PPP1R16B: variants seen among roughly 807,000 people sequenced by gnomAD.
PPP1R16B encodes the protein protein phosphatase 1 regulatory inhibitor subunit 16B.
PPP1R16B carries 14 observed loss-of-function variants against 61.7 expected under a neutral mutation model. The ratio of observed to expected loss-of-function variants is 0.23; its 90% CI spans 0.15 to 0.35. The LOEUF (loss-of-function observed/expected upper bound fraction) is 0.35, where lower values mean the gene tolerates loss of function less well. Ranked by LOEUF, PPP1R16B falls within the 10% of genes least tolerant of loss-of-function variation. PPP1R16B has a pLI of 1.00. For missense variants in PPP1R16B, 547 were observed against 752.5 expected, an observed-to-expected ratio of 0.73 and a Z score of 3.19; for synonymous variants, 266 against 305.3, an observed-to-expected ratio of 0.87 and a Z score of 1.34.
In PPP1R16B at chr20:38,895,892, TCCCTCCCTCCTTCCTTCTTTCTTC is replaced by T. The variant is rs1568678953; in HGVS notation, c.467+185_467+208del. Among the ~76,000 whole-genome samples, 945 of 95,910 alleles carry T rather than the reference TCCCTCCCTCCTTCCTTCTTTCTTC, an allele frequency of 9.9e-3. 94 individuals carry two copies. The highest frequency in any genetic ancestry group is 0.027 in the East Asian group (76 of 2,862). The allele number at this position is 95,910 out of a possible 152,430, so 62.9% of individuals were successfully genotyped here. A position where few individuals can be genotyped will look rare whatever the true frequency, so the allele number is the denominator to read the frequency against. On this transcript the variant is annotated intron_variant, in intron 4 of 10. Transcript: ENST00000299824. ...CCTCCCTCCTTCCTTCTTTCTTCCC[TCCCTCCCTCCTTCCTTCTTTCTTC>T]CCTCCCTCCCTCCTTCCTTCTTTCT...
At chr20:38,866,102 C>T (rs1267328252) in intron 2 of PPP1R16B, among the ~76,000 whole-genome samples, 3 of 150,798 alleles carry the variant, frequency 2.0e-5, no homozygotes, top group Non-Finnish European at 4.4e-5. Flanking sequence ...CCAGCCTGGG[C>T]GACAGAGTGA....
Position 38,906,060 on chromosome 20 carries a change from G to T in PPP1R16B, c.788G>T (p.Trp263Leu). 1 of 1,613,498 alleles carries T rather than the reference G, an allele frequency of 6.2e-7. No individual in the cohort carries two copies. The highest frequency in any genetic ancestry group is 8.5e-7 in the Non-Finnish European group (1 of 1,179,912). ...GTGGATGTGAAGGACTGGGATGGCT[G>T]GGAGCCCCTGCATGCAGCTGCCTTC... ...VRVDVKDWDG[W>L]EPLHAAAFWG... Residue 263 changes from tryptophan (W) to leucine (L), a missense_variant, in exon 7 of 11, where the codon TGG becomes TTG. Trp to Leu is a moderately conservative substitution (Grantham distance 61). Coordinates refer to ENST00000299824, the MANE Select transcript of PPP1R16B (RefSeq NM_015568.4).
Position 38,921,189 on chromosome 20 carries a change from C to T in PPP1R16B, c.*2523C>T, listed in dbSNP as rs531375015. On this transcript the variant is annotated 3_prime_UTR_variant, in exon 11 of 11. Transcript: ENST00000299824. ...TCAGGCATTGGCTCATGTTTTCAGC[C>T]AGGGATAAACCATCCCTTCTTGGGG... is the stretch of plus-strand genomic sequence containing the variant. The T allele has an allele frequency of 2.0e-5, 3 of 152,354 alleles. No individual in the cohort carries two copies. The highest frequency in any genetic ancestry group is 7.2e-5 in the African/African-American group (3 of 41,582). 9.4% of individuals were successfully genotyped at this position (152,354 alleles called of 1,614,324 possible).
At chr20:38,807,100 G>C (rs995291931) in intron 1 of PPP1R16B, among the ~76,000 whole-genome samples, 4 of 152,212 alleles carry the variant, frequency 2.6e-5, no homozygotes, top group Admixed American at 6.5e-5. Context: ...TTTCCCGCAG[G>C]GCTCTCCCTG....
chr20:38,830,641 A>G (rs908681418), intron 1 of PPP1R16B, among the ~76,000 whole-genome samples: 1 of 152,232 alleles, frequency 6.6e-6, no homozygotes, highest in Non-Finnish European at 1.5e-5. Context: ...GAGGATTGGC[A>G]TAGTTATAAA....
At chr20:38,863,953 A>C (rs1023181471) in intron 2 of PPP1R16B, among the ~76,000 whole-genome samples, 1 of 152,260 alleles carries the variant, frequency 6.6e-6, no homozygotes, top group Non-Finnish European at 1.5e-5. Flanking sequence ...CCATCAACTG[A>C]TGAGGGGATA....
At chr20:38,904,516 C>T (rs1475484205) in intron 6 of PPP1R16B, among the ~76,000 whole-genome samples, 1 of 152,230 alleles carries the variant, frequency 6.6e-6, no homozygotes, top group Non-Finnish European at 1.5e-5. Context: ...CCACTCATAC[C>T]TTTTCATTTC....
chr20:38,861,225 C>T (rs1345180272), intron 2 of PPP1R16B, among the ~76,000 whole-genome samples: 5 of 152,202 alleles, frequency 3.3e-5, no homozygotes, highest in African/African-American at 7.2e-5. Context: ...CTCTGTAAAA[C>T]GGAAATAACC....
chr20:38,888,063 C>T (rs141968991), intron 2 of PPP1R16B, among the ~76,000 whole-genome samples: 18 of 152,386 alleles, frequency 1.2e-4, no homozygotes, highest in African/African-American at 3.6e-4. Flanking sequence ...GTCTTCTCTT[C>T]ACCCTGCCCA....
intron 3 of PPP1R16B, among the ~76,000 whole-genome samples, chr20:38,892,606 TCA>T (rs1714063161): frequency 6.6e-6 from 1 of 152,104 alleles, no homozygotes; most frequent in South Asian, 2.1e-4. Flanking sequence ...CTCTCAGAGT[TCA>T]GAGTGTGCTG....
At chr20:38,860,607 C>T (rs934479393) in intron 2 of PPP1R16B, among the ~76,000 whole-genome samples, 3 of 152,138 alleles carry the variant, frequency 2.0e-5, no homozygotes, top group South Asian at 2.1e-4. Flanking sequence ...AAGTTCAGCC[C>T]GCATTCCACT....
chr20:38,906,913 C>G, intron 7 of PPP1R16B, 66 bp from the exon 8 acceptor site: 1 of 1,409,320 alleles, frequency 7.1e-7, no homozygotes, highest in Non-Finnish European at 1.0e-6. Context: ...CTTGGGCACT[C>G]TCTCCACCTC....
rs1406795853 is a variant in PPP1R16B at position 38,921,058 on chromosome 20, T to G, written c.*2392T>G. 1.3e-5 allele frequency: 2 copies of G among 152,204 alleles called. No individual in the cohort carries two copies. The highest frequency in any genetic ancestry group is 1.3e-4 in the Admixed American group (2 of 15,276). 9.4% of individuals were successfully genotyped at this position (152,204 alleles called of 1,614,324 possible). A position where few individuals can be genotyped will look rare whatever the true frequency, so the allele number is the denominator to read the frequency against. On this transcript the variant is annotated 3_prime_UTR_variant, in exon 11 of 11. Coordinates refer to ENST00000299824, the MANE Select transcript of PPP1R16B (RefSeq NM_015568.4). ...CCACTGAGCGCCTGAGGCCATTCCC[T>G]CCTTTTCCGCATGCCTCCTGCCTCC...
chr20:38,902,524 A>T, intron 5 of PPP1R16B, 144 bp from the exon 6 acceptor site: 1 of 1,172,248 alleles, frequency 8.5e-7, no homozygotes, highest in Non-Finnish European at 1.2e-6. Context: ...AGGCCTGAAG[A>T]CAATGATCTA....
At chr20:38,911,039 T>C (rs1324461592) in intron 10 of PPP1R16B, among the ~76,000 whole-genome samples, 1 of 152,006 alleles carries the variant, frequency 6.6e-6, no homozygotes, top group Non-Finnish European at 1.5e-5. Context: ...AGAGATGGAA[T>C]CTTGCTATGT....
At chr20:38,895,948 CCTCCCTCCTTTCTTCTTTCT>C (rs2085337533) in intron 4 of PPP1R16B, among the ~76,000 whole-genome samples, 1 of 100,026 alleles carries the variant, frequency 1.0e-5, no homozygotes, top group African/African-American at 4.3e-5. Context: ...TTCTTCCCTC[CCTCCCTCCTTTCTTCTTTCT>C]TCCCTCCCTC....
intron 2 of PPP1R16B, among the ~76,000 whole-genome samples, chr20:38,837,353 A>G (rs1401861527): frequency 6.6e-6 from 1 of 152,162 alleles, no homozygotes; most frequent in Non-Finnish European, 1.5e-5. Context: ...GGAAGTGATT[A>G]TTACTGTTTT....
chr20:38,893,198 A>G lies in PPP1R16B; in HGVS notation c.322-2367A>G, dbSNP rs572108175. Among the ~76,000 whole-genome samples the G allele has an allele frequency of 5.9e-5, 9 of 152,356 alleles. No homozygotes were observed. In the East Asian group the frequency reaches 1.7e-3, roughly 29 times the overall value. On this transcript the variant is annotated intron_variant, in intron 3 of 10. Coordinates refer to ENST00000299824, the MANE Select transcript of PPP1R16B (RefSeq NM_015568.4). ...CTCTTGTAAGTCCTCAGAAAGCATT[A>G]GACATTGTTATTGACAATGTGATGT...
At chr20:38,838,741 G>A (rs946044198) in intron 2 of PPP1R16B, among the ~76,000 whole-genome samples, 1 of 152,152 alleles carries the variant, frequency 6.6e-6, no homozygotes. Context: ...CTCCCTGAGG[G>A]GCTCTGTGCA....
Sources: allele counts gnomAD v4.1 joint callset (sites outside exome capture counted in the v4.1 genomes callset), GRCh38; gene constraint gnomAD v4.1.1; transcripts MANE v1.5; gene names NCBI Gene and HGNC (gene_info 2026-07-23, HGNC 2026-07-21).